OR4F16: variants seen among roughly 807,000 people sequenced by gnomAD.
The protein encoded by OR4F16 is olfactory receptor 4F3/4F16/4F29.
At chr1:713,378 T>C in the OR4F16 span, among the ~76,000 whole-genome samples, 1 of 87,400 alleles carries the variant, frequency 1.1e-5, no homozygotes, top group Non-Finnish European at 2.0e-5. Context: ...TTGATTACTC[T>C]GGTGATTATT....
At chr1:715,897 A>T in the OR4F16 span, among the ~76,000 whole-genome samples, 1 of 150,234 alleles carries the variant, frequency 6.7e-6, no homozygotes, top group Non-Finnish European at 1.5e-5. Context: ...AGGTAAGAAA[A>T]ATTAGGGGAA....
the OR4F16 span, among the ~76,000 whole-genome samples, chr1:701,494 G>C: frequency 1.3e-5 from 2 of 150,252 alleles, no homozygotes; most frequent in African/African-American, 5.0e-5. Context: ...TTACAGCCTA[G>C]GAGAAGTCTT....
At chr1:701,591 T>C in the OR4F16 span, among the ~76,000 whole-genome samples, 3 of 150,264 alleles carry the variant, frequency 2.0e-5, no homozygotes, top group African/African-American at 7.5e-5. Context: ...TGGAATACTA[T>C]GCCGCCATTA....
At chr1:687,743 TTTTAA>T (rs1364145595), upstream of OR4F16, among the ~76,000 whole-genome samples, 4 of 46,638 alleles carry the variant, frequency 8.6e-5, no homozygotes, top group Admixed American at 2.5e-4. Flanking sequence ...AGTTTTATAC[TTTTAA>T]TTTATGATAA....
chr1:697,026 C>A, the OR4F16 span, among the ~76,000 whole-genome samples: 1 of 97,666 alleles, frequency 1.0e-5, no homozygotes, highest in African/African-American at 8.4e-5. Context: ...ATTTATTTAC[C>A]CTATTAGTAT....
At chr1:687,358 A>G (rs1934860), upstream of OR4F16, among the ~76,000 whole-genome samples, 850 of 131,722 alleles carry the variant, frequency 6.5e-3, 1 homozygote, top group East Asian at 0.033. Flanking sequence ...CCATCCTGCA[A>G]TGATTTCATA....
chr1:701,711 G>A, the OR4F16 span, among the ~76,000 whole-genome samples: 3 of 149,876 alleles, frequency 2.0e-5, no homozygotes, highest in African/African-American at 5.0e-5. Flanking sequence ...TTATAAGTGG[G>A]AGCTAAATGA....
the OR4F16 span, among the ~76,000 whole-genome samples, chr1:692,469 AG>A: frequency 1.1e-4 from 16 of 152,046 alleles, no homozygotes; most frequent in Admixed American, 2.0e-4. Context: ...AACTTCTCAA[AG>A]GTATATGAGA....
the OR4F16 span, among the ~76,000 whole-genome samples, chr1:710,218 C>T: frequency 3.1e-5 from 4 of 129,312 alleles, no homozygotes; most frequent in Non-Finnish European, 6.6e-5. Context: ...TATAGCTACA[C>T]TATATATTTT....
upstream of OR4F16, among the ~76,000 whole-genome samples, chr1:691,116 T>C (rs554135122): frequency 1.5e-4 from 22 of 151,196 alleles, no homozygotes; most frequent in South Asian, 4.6e-3. Context: ...ATAGGGATAA[T>C]AATACCTCCC....
chr1:679,739 A>G, the OR4F16 span, among the ~76,000 whole-genome samples: 2 of 58,276 alleles, frequency 3.4e-5, no homozygotes, highest in African/African-American at 1.4e-4. Flanking sequence ...CCAACCAAAA[A>G]ACAGTCCAGG....
At chr1:710,026 TAA>T in the OR4F16 span, among the ~76,000 whole-genome samples, 1 of 150,484 alleles carries the variant, frequency 6.6e-6, no homozygotes, top group East Asian at 2.0e-4. Flanking sequence ...ACTTGCAAAA[TAA>T]AGAAATGTAT....
the OR4F16 span, among the ~76,000 whole-genome samples, chr1:676,804 T>C: frequency 8.3e-6 from 1 of 120,074 alleles, no homozygotes; most frequent in Non-Finnish European, 1.6e-5. Context: ...TAAAGCATCT[T>C]TGAAAAGCCT....
chr1:690,275 C>T (rs1237063185), upstream of OR4F16, among the ~76,000 whole-genome samples: 1 of 118,594 alleles, frequency 8.4e-6, no homozygotes, highest in African/African-American at 3.9e-5. Flanking sequence ...AAAGAAGGCA[C>T]ATGAAATTTT....
chr1:714,245 TTAGA>T, the OR4F16 span, among the ~76,000 whole-genome samples: 5 of 51,730 alleles, frequency 9.7e-5, no homozygotes, highest in Non-Finnish European at 2.0e-4. Context: ...TTGAAAAATT[TTAGA>T]TAAATATCAA....
chr1:715,843 G>A, the OR4F16 span, among the ~76,000 whole-genome samples: 1 of 151,212 alleles, frequency 6.6e-6, no homozygotes, highest in African/African-American at 2.5e-5. Flanking sequence ...AAAAAAAAAA[G>A]AAAAATCACT....
At chr1:718,448 CATTA>C in the OR4F16 span, among the ~76,000 whole-genome samples, 5 of 105,230 alleles carry the variant, frequency 4.8e-5, no homozygotes, top group African/African-American at 5.2e-5. Context: ...TAAGAAGTTA[CATTA>C]ATTATCTTTT....
chr1:691,810 C>T, the OR4F16 span, among the ~76,000 whole-genome samples: 1 of 82,936 alleles, frequency 1.2e-5, no homozygotes, highest in African/African-American at 4.9e-5. Flanking sequence ...ATAAAATTCT[C>T]CAGTTTCAAC....
At chr1:716,982 CT>C in the OR4F16 span, among the ~76,000 whole-genome samples, 35 of 86,116 alleles carry the variant, frequency 4.1e-4, 1 homozygote, top group East Asian at 0.011. Context: ...ACATATATGA[CT>C]TTTTCAGAAT....
Sources: allele counts gnomAD v4.1 joint callset (sites outside exome capture counted in the v4.1 genomes callset), GRCh38; gene constraint gnomAD v4.1.1; transcripts MANE v1.5; gene names NCBI Gene and HGNC (gene_info 2026-07-23, HGNC 2026-07-21).